Variants in CDC42BPG observed in about 807,000 individuals in gnomAD.
CDC42BPG encodes the protein CDC42 binding protein kinase gamma, also known as serine/threonine-protein kinase MRCK gamma.
A neutral mutation model predicts 192.2 loss-of-function variants in CDC42BPG; 157 were observed. That is an observed-to-expected ratio of 0.82 (90% confidence interval 0.72 to 0.93). The LOEUF (loss-of-function observed/expected upper bound fraction) is 0.93, where lower values mean the gene tolerates loss of function less well. CDC42BPG is among the 40% of genes least tolerant of loss of function. The pLI is 0.00. For missense variants in CDC42BPG, 1,992 were observed against 2,122.1 expected (o/e 0.94, Z 1.20); for synonymous variants, 981 against 918.5 (o/e 1.07, Z -1.23).
At chr11:64,836,714 G>GGGGGGA in intron 11 of CDC42BPG, 25 bp downstream of exon 11, 1 of 866,540 alleles carries the variant, frequency 1.2e-6, no homozygotes, top group Non-Finnish European at 1.7e-6. Context: ...CCTGGGGGGG[G>GGGGGGA]GGGGGGGGTG....
intron 25 of CDC42BPG, 30 bp downstream of exon 25, chr11:64,832,796 C>G: frequency 6.3e-7 from 1 of 1,591,476 alleles, no homozygotes; most frequent in Non-Finnish European, 8.6e-7. Context: ...CCCCCCATGC[C>G]CATCTTCCCC....
At position 64,844,507 on chromosome 11, in the gene CDC42BPG, C is replaced by T. The variant is rs1475636278; in HGVS notation, c.63G>A (p.Gly21=). ...GCAGCAGATCTAGGAGGCCGTCGAG[C>T]CCCGGGCAGCCGCCGGCCTCGCCCC... The part of the protein sequence containing the change: ...LARGEAGGCP[G]LDGLLDLLLA... Residue 21 remains glycine (G), a synonymous_variant, in exon 1 of 37, where the codon GGG becomes GGA. Coordinates refer to ENST00000342711, the MANE Select transcript of CDC42BPG (RefSeq NM_017525.3). 5 of 1,344,490 alleles carry T rather than the reference C, an allele frequency of 3.7e-6. No homozygotes were observed. Among genetic ancestry groups the T allele is most frequent in the Non-Finnish European group, 2.9e-6 (3 of 1,047,882 alleles). 83.3% of individuals were successfully genotyped at this position (1,344,490 alleles called of 1,614,324 possible). A position where few individuals can be genotyped will look rare whatever the true frequency, so the allele number is the denominator to read the frequency against.
chr11:64,838,998 G>A, intron 7 of CDC42BPG, 35 bp downstream of exon 7: 1 of 1,612,418 alleles, frequency 6.2e-7, no homozygotes, highest in Non-Finnish European at 8.5e-7. Context: ...GGGTCCCACT[G>A]CCCCCTCTGG....
chr11:64,837,002 C>CCCA lies in CDC42BPG; in HGVS notation c.1222_1223insTGG (p.Ser408delinsMetGly). ...CTCCAGGGCAGCCCAAGCCTCAGAG[C>CCCA]TGCTCTCAGGACTGTGACTGTAGGG... is the stretch of plus-strand genomic sequence containing the variant. On this transcript the variant is annotated protein_altering_variant, in exon 10 of 37. Transcript: ENST00000342711. The CCCA allele has an allele frequency of 6.2e-7, 1 of 1,613,560 alleles. No individual in the cohort carries two copies.
chr11:64,832,417 C>A lies in CDC42BPG; in HGVS notation c.3087+11G>T, dbSNP rs1383931399. On this transcript the variant is annotated intron_variant, in intron 27 of 36. Transcript: ENST00000342711. ...GGATGGTGGCTGCTCCATCTCATCC[C>A]AGGCACTCACCCTAAAGATGCGTGG... The A allele has an allele frequency of 1.9e-6, 3 of 1,612,622 alleles. No individual in the cohort carries two copies. The highest frequency in any genetic ancestry group is 2.5e-6 in the Non-Finnish European group (3 of 1,179,364).
At position 64,832,826 on chromosome 11, in the gene CDC42BPG, C is replaced by G; in HGVS notation, c.2865G>C (p.Ser955=). 1 of 1,586,578 alleles carries G rather than the reference C, an allele frequency of 6.3e-7. No individual in the cohort carries two copies. ...GTGTAYEGFL[S]VPRPSGVRRG... ...TTCCCCTCCCTCGGCCCCCACTCACCGACAGAAAGCCCTCATAGGCAGTGC... is the reference window on the plus strand; with the variant it reads ...TTCCCCTCCCTCGGCCCCCACTCACGGACAGAAAGCCCTCATAGGCAGTGC... Residue 955 remains serine, a splice_region_variant and synonymous_variant, in exon 25 of 37, where the codon TCG becomes TCC. Coordinates refer to ENST00000342711, the MANE Select transcript of CDC42BPG (RefSeq NM_017525.3).
chr11:64,832,388 A>G (rs779448970), intron 27 of CDC42BPG, 40 bp downstream of exon 27: 3 of 1,584,924 alleles, frequency 1.9e-6, no homozygotes, highest in African/African-American at 1.3e-5. Flanking sequence ...CAGCATGGGG[A>G]GGTGGATGGT....
Position 64,829,502 on chromosome 11 carries a change from C to T in CDC42BPG, c.3936G>A (p.Glu1312=). The T allele has an allele frequency of 1.2e-6, 2 of 1,612,932 alleles. No homozygotes were observed. Among genetic ancestry groups the T allele is most frequent in the Non-Finnish European group, 1.7e-6 (2 of 1,179,924 alleles). The part of the protein sequence containing the change: ...DGAGRKSRGH[E]LLWPAAPMGW... ...CCATGGGCGCTGCTGGCCACAACAG[C>T]TCGTGGCCACGAGACTTGCGGCCTG... The change falls in exon 30 of 37, where the codon GAG becomes GAA. Residue 1312 remains glutamate (E), a synonymous_variant. Transcript: ENST00000342711.
Position 64,835,088 on chromosome 11 carries a change from C to T in CDC42BPG, c.2019G>A (p.Thr673=), listed in dbSNP as rs141739556. 1,006 of 1,601,208 alleles carry T rather than the reference C, an allele frequency of 6.3e-4. 1 individual carries two copies. The highest frequency in any genetic ancestry group is 3.0e-3 in the South Asian group (273 of 91,032). ...KQRLEGERRE[T]ESNWEAQLAD... is the part of the protein sequence containing the mutation. ...CGAGCTGGGCCTCCCAGTTGCTCTC[C>T]GTCTCCCGCCGCTCACCCTCCAGCC... The change falls in exon 17 of 37, where the codon ACG becomes ACA. Residue 673 remains threonine, a synonymous_variant. Coordinates refer to ENST00000342711, the MANE Select transcript of CDC42BPG (RefSeq NM_017525.3).
intron 36 of CDC42BPG, among the ~76,000 whole-genome samples, chr11:64,825,643 G>A (rs1055932917): frequency 5.3e-5 from 8 of 152,196 alleles, no homozygotes; most frequent in African/African-American, 1.9e-4. Flanking sequence ...TGTGTGTGCT[G>A]TAGACGTGGC....
At chr11:64,835,464 G>A (rs1467028225) in intron 15 of CDC42BPG, 36 bp downstream of exon 15, 2 of 1,610,106 alleles carry the variant, frequency 1.2e-6, no homozygotes, top group Admixed American at 1.7e-5. Context: ...CCCAGGCCAG[G>A]CCCGGCCCCT....
chr11:64,838,275 G>A (rs902108095), intron 8 of CDC42BPG, 113 bp from the exon 9 acceptor site: 2 of 769,870 alleles, frequency 2.6e-6, no homozygotes, highest in African/African-American at 1.8e-5. Flanking sequence ...TGGGAACTCA[G>A]GGGGGTAACA....
At chr11:64,838,967 C>G (rs1943151641) in intron 7 of CDC42BPG, 65 bp from the exon 8 acceptor site, 7 of 1,611,080 alleles carry the variant, frequency 4.3e-6, no homozygotes, top group Non-Finnish European at 5.9e-6. Context: ...CCTGCCGGTA[C>G]TTCCAACCAC....
chr11:64,831,486 G>A lies in CDC42BPG; in HGVS notation c.3304+19C>T, dbSNP rs768521406. The stretch of plus-strand genomic sequence containing the variant: ...CCGCAGGCCTGAACTGCTTCCTCCA[G>A]TCCCCTCCACCAGCTCACCGAGGAT... On this transcript the variant is annotated intron_variant, in intron 28 of 36. Coordinates refer to ENST00000342711, the MANE Select transcript of CDC42BPG (RefSeq NM_017525.3). 1.3e-6 allele frequency: 2 copies of A among 1,596,682 alleles called. No individual in the cohort carries two copies. The highest frequency in any genetic ancestry group is 2.2e-5 in the East Asian group (1 of 44,508).
At chr11:64,837,282 C>T (rs547408408) in intron 9 of CDC42BPG, among the ~76,000 whole-genome samples, 2 of 152,318 alleles carry the variant, frequency 1.3e-5, no homozygotes, top group Admixed American at 6.5e-5. Flanking sequence ...CCCTCAGTTT[C>T]CCCAGGGGAA....
intron 8 of CDC42BPG, 56 bp downstream of exon 8, chr11:64,838,598 C>T (rs550946515): frequency 1.6e-4 from 262 of 1,597,372 alleles, no homozygotes; most frequent in Non-Finnish European, 2.1e-4. Context: ...GGAGGGTTCC[C>T]CCAGCCAACA....
Position 64,831,686 on chromosome 11 carries a change from C to A in CDC42BPG, c.3123G>T (p.Thr1041=), listed in dbSNP as rs762833675. ...TCTCTGCCAGCAGCAGCACAGTGCA[C>A]GTGGTGGGCGGCACTGCCAGCTGGG... ...TTSQLAVPPT[T]CTVLLLAESE... The change falls in exon 28 of 37, where the codon ACG becomes ACT. Residue 1041 remains threonine, a synonymous_variant. Transcript: ENST00000342711. 2 of 1,606,260 alleles carry A rather than the reference C, an allele frequency of 1.2e-6. No homozygotes were observed. Among genetic ancestry groups the A allele is most frequent in the Non-Finnish European group, 1.7e-6 (2 of 1,178,588 alleles).
intron 3 of CDC42BPG, among the ~76,000 whole-genome samples, 199 bp downstream of exon 3, chr11:64,841,451 C>CAA (rs376345283): frequency 3.2e-5 from 3 of 94,362 alleles, no homozygotes; most frequent in African/African-American, 3.9e-5. Flanking sequence ...GATTCCGTCT[C>CAA]AAAAAAAAAA....
chr11:64,826,329 T>G, intron 36 of CDC42BPG, 141 bp downstream of exon 36: 1 of 661,556 alleles, frequency 1.5e-6, no homozygotes. Flanking sequence ...GTGAGACAGG[T>G]AAGAATCTGC....
Sources: gnomAD v4.1 joint callset for allele counts (sites outside exome capture counted in the v4.1 genomes callset) on GRCh38, gnomAD v4.1.1 for gene constraint, MANE v1.5 for transcripts, NCBI Gene and HGNC (gene_info 2026-07-23, HGNC 2026-07-21) for gene names.